EHMT1: variants seen among roughly 807,000 people sequenced by gnomAD.
The protein encoded by EHMT1 is histone-lysine N-methyltransferase EHMT1.
Under a neutral mutation model 147.2 loss-of-function variants are expected in EHMT1, and 15 were observed. The observed-to-expected ratio is 0.10, with a 90% CI of 0.07 to 0.16. The LOEUF is 0.16. Ranked by LOEUF, EHMT1 falls within the 10% of genes least tolerant of loss-of-function variation. The pLI is 1.00. For missense variants in EHMT1, 1,587 were observed against 1,772.4 expected (o/e 0.90, Z 1.88); for synonymous variants, 795 against 709.6 (o/e 1.12, Z -1.91).
Position 137,670,364 on chromosome 9 carries a change from C to T in EHMT1, c.22-40603C>T, listed in dbSNP as rs185651094. 3.9e-5 allele frequency among the ~76,000 whole-genome samples: 6 copies of T among 152,292 alleles called. No homozygotes were observed. In the East Asian group the frequency reaches 7.7e-4, roughly 20 times the overall value. ...GGTTAAGGTTTCTGTCGGTAGCCTT[C>T]CTCCCTTGGCTAGTCCCCTCTCCTG... is the stretch of plus-strand genomic sequence containing the variant. On this transcript the variant is annotated intron_variant, in intron 1 of 26. Coordinates refer to ENST00000460843, the MANE Select transcript of EHMT1 (RefSeq NM_024757.5).
Position 137,757,969 on chromosome 9 carries a change from C to T in EHMT1, c.1459C>T (p.Leu487=). The T allele has an allele frequency of 6.2e-7, 1 of 1,614,090 alleles. No homozygotes were observed. The highest frequency in any genetic ancestry group is 8.5e-7 in the Non-Finnish European group (1 of 1,180,022). Residue 487 remains leucine, a synonymous_variant, in exon 9 of 27, where the codon CTG becomes TTG. Transcript: ENST00000460843. ...TGYMEVSLDS[L]DLRVKGILSS... The stretch of plus-strand genomic sequence containing the variant: ...GTACATGGAAGTTTCTCTGGACTCC[C>T]TGGATCTCCGAGTCAAAGGAATTCT...
At chr9:137,686,565 T>C (rs1423404425) in intron 1 of EHMT1, among the ~76,000 whole-genome samples, 1 of 151,518 alleles carries the variant, frequency 6.6e-6, no homozygotes, top group Non-Finnish European at 1.5e-5. Context: ...AGTTTTTGTA[T>C]TTTTTGTAGA....
rs573020258 is a variant in EHMT1, at chr9:137,816,040, C to T, written c.3352C>T (p.Arg1118Cys). ...ACSCWRNCRN[R>C]VVQNGLRARL... Reference sequence around the variant, plus strand: ...CTCCTGCTGGAGGAACTGCCGAAATCGCGTCGTACAGAATGGTCTCAGGTG... The same window carrying T: ...CTCCTGCTGGAGGAACTGCCGAAATTGCGTCGTACAGAATGGTCTCAGGTG... The change falls in exon 23 of 27, where the codon CGC becomes TGC. Residue 1118 changes from arginine to cysteine, a missense_variant. Coordinates refer to ENST00000460843, the MANE Select transcript of EHMT1 (RefSeq NM_024757.5). The T allele has an allele frequency of 2.5e-6, 4 of 1,612,624 alleles. No homozygotes were observed. The highest frequency in any genetic ancestry group is 1.1e-5 in the South Asian group (1 of 90,678).
At chr9:137,677,636 A>G (rs1323374984) in intron 1 of EHMT1, among the ~76,000 whole-genome samples, 1 of 152,082 alleles carries the variant, frequency 6.6e-6, no homozygotes, top group Non-Finnish European at 1.5e-5. Context: ...CGTGTTAGCC[A>G]GGACTAGGCA....
chr9:137,818,270 C>A, intron 25 of EHMT1, 132 bp downstream of exon 25: 1 of 988,952 alleles, frequency 1.0e-6, no homozygotes, highest in Non-Finnish European at 1.6e-6. Context: ...TATAGACCTG[C>A]TGAGTGCCGC....
In EHMT1 at chr9:137,835,160, G is replaced by C. The variant is rs956045164; in HGVS notation, c.*207G>C. On this transcript the variant is annotated 3_prime_UTR_variant, in exon 27 of 27. Transcript: ENST00000460843. ...CTTCCCAGACCTGCGGCCTCACCGC[G>C]GGCCCAGTGCCCAGGCTGGAGCGCA... The C allele has an allele frequency of 2.0e-6, 1 of 510,304 alleles. No individual in the cohort carries two copies. Among genetic ancestry groups the C allele is most frequent in the African/African-American group, 2.1e-5 (1 of 48,774 alleles). 31.6% of individuals were successfully genotyped at this position (510,304 alleles called of 1,614,324 possible). A position where few individuals can be genotyped will look rare whatever the true frequency, so the allele number is the denominator to read the frequency against.
chr9:137,739,167 C>T (rs1231106401), intron 4 of EHMT1, among the ~76,000 whole-genome samples: 3 of 150,822 alleles, frequency 2.0e-5, no homozygotes, highest in Admixed American at 6.6e-5. Context: ...GTCAGGAGAT[C>T]GAGACCATCC....
chr9:137,777,080 A>C lies in EHMT1; in HGVS notation c.2018+236A>C, dbSNP rs540851334. ...ATTTGCCTGTTTTGAACCGGTTTTC[A>C]CAGCACCCCCATTGATGTAGCTCTG... On this transcript the variant is annotated intron_variant, in intron 12 of 26. Coordinates refer to ENST00000460843, the MANE Select transcript of EHMT1 (RefSeq NM_024757.5). 160 of 503,746 alleles carry C rather than the reference A, an allele frequency of 3.2e-4. 1 individual carries two copies. The highest frequency in any genetic ancestry group is 5.1e-4 in the Non-Finnish European group (140 of 276,922). 31.2% of individuals were successfully genotyped at this position (503,746 alleles called of 1,614,324 possible).
At chr9:137,780,242 TGTGTG>T (rs1951295868) in intron 14 of EHMT1, among the ~76,000 whole-genome samples, 1 of 144,482 alleles carries the variant, frequency 6.9e-6, no homozygotes, top group Admixed American at 7.0e-5. Flanking sequence ...GACGCTGGGA[TGTGTG>T]GTGATGACGC....
rs113540916 is a variant in EHMT1, at chr9:137,651,543, G to GC, written c.21+32494_21+32495insC. Among the ~76,000 whole-genome samples the GC allele has an allele frequency of 1.1e-4, 17 of 152,248 alleles. 1 individual carries two copies. The highest frequency in any genetic ancestry group is 4.1e-4 in the African/African-American group (17 of 41,552). ...TCACGCTTGTAATCCCATCGCTGTG[G>GC]GAGGGAGGCCGAGGCAGGCGGATCA... is the stretch of plus-strand genomic sequence containing the variant. On this transcript the variant is annotated intron_variant, in intron 1 of 26. Coordinates refer to ENST00000460843, the MANE Select transcript of EHMT1 (RefSeq NM_024757.5).
intron 9 of EHMT1, among the ~76,000 whole-genome samples, chr9:137,760,155 G>T (rs1412728117): frequency 6.6e-6 from 1 of 152,158 alleles, no homozygotes; most frequent in Non-Finnish European, 1.5e-5. Flanking sequence ...GGCAGAGCTT[G>T]GCGGAGGTTG....
chr9:137,822,265 T>C (rs530792917), intron 25 of EHMT1, among the ~76,000 whole-genome samples: 1 of 152,354 alleles, frequency 6.6e-6, no homozygotes, highest in Admixed American at 6.5e-5. Flanking sequence ...TCCCTGCTGG[T>C]TTATGCCTGC....
At chr9:137,798,385 C>A (rs1294174990) in intron 16 of EHMT1, among the ~76,000 whole-genome samples, 2 of 151,716 alleles carry the variant, frequency 1.3e-5, no homozygotes, top group African/African-American at 4.8e-5. Flanking sequence ...CTGGGCGATA[C>A]AGCAAGACCC....
At chr9:137,648,518 C>T (rs1564538737) in intron 1 of EHMT1, among the ~76,000 whole-genome samples, 1 of 143,664 alleles carries the variant, frequency 7.0e-6, no homozygotes, top group African/African-American at 2.7e-5. Context: ...AATAGTTGGG[C>T]ATGGTGCCTC....
intron 1 of EHMT1, among the ~76,000 whole-genome samples, chr9:137,678,999 G>T (rs953230070): frequency 6.6e-6 from 1 of 152,076 alleles, no homozygotes; most frequent in Non-Finnish European, 1.5e-5. Context: ...TGTCGCCCAG[G>T]CTGGAGTGCA....
intron 9 of EHMT1, among the ~76,000 whole-genome samples, chr9:137,758,853 C>G (rs1317911475): frequency 1.3e-5 from 2 of 152,064 alleles, no homozygotes; most frequent in African/African-American, 4.8e-5. Flanking sequence ...TCCGGCTGGG[C>G]GCGGTGGCTC....
At chr9:137,661,198 G>A (rs1939040531) in intron 1 of EHMT1, among the ~76,000 whole-genome samples, 2 of 152,018 alleles carry the variant, frequency 1.3e-5, no homozygotes, top group African/African-American at 4.8e-5. Context: ...GATACCCCAA[G>A]TGTTAACATT....
In EHMT1 at chr9:137,753,263, CAG is replaced by C. The variant is rs928894010; in HGVS notation, c.1248+856_1248+857del. Among the ~76,000 whole-genome samples the C allele has an allele frequency of 7.2e-5, 11 of 152,104 alleles. 1 individual carries two copies. Among genetic ancestry groups the C allele is most frequent in the African/African-American group, 1.9e-4 (8 of 41,502 alleles). ...TACACCAGCGAGTGGGAGGAGGACA[CAG>C]GGGCCGAGCAGCGAGTGGGAGGAGG... On this transcript the variant is annotated intron_variant, in intron 7 of 26. Coordinates refer to ENST00000460843, the MANE Select transcript of EHMT1 (RefSeq NM_024757.5).
At chr9:137,721,677 C>T (rs1349077323) in intron 3 of EHMT1, among the ~76,000 whole-genome samples, 2 of 151,742 alleles carry the variant, frequency 1.3e-5, no homozygotes, top group African/African-American at 4.8e-5. Context: ...ACGCTCATCC[C>T]CTTGCACATT....
Sources: gnomAD v4.1 joint callset for allele counts (sites outside exome capture counted in the v4.1 genomes callset) on GRCh38, gnomAD v4.1.1 for gene constraint, MANE v1.5 for transcripts, NCBI Gene and HGNC (gene_info 2026-07-23, HGNC 2026-07-21) for gene names.